The following RAPGEF6 variants were observed in gnomAD, a reference collection of about 807,000 sequenced individuals.
The protein encoded by RAPGEF6 is PDZ domain containing guanine nucleotide exchange factor (GEF) 2.
Under a neutral mutation model 171.4 loss-of-function variants are expected in RAPGEF6, and 56 were observed. That is an observed-to-expected ratio of 0.33 (90% CI 0.26 to 0.41). RAPGEF6 has a LOEUF of 0.41. Ranked by LOEUF, RAPGEF6 falls within the 10% of genes least tolerant of loss-of-function variation. The pLI is 1.00. For synonymous variants in RAPGEF6, 692 were observed against 650.1 expected, an observed-to-expected ratio of 1.06 and a Z score of -0.98; for missense variants, 1,674 against 1,921.4, an observed-to-expected ratio of 0.87 and a Z score of 2.41.
At chr5:131,495,345 T>C (rs1756571160) in intron 13 of RAPGEF6, among the ~76,000 whole-genome samples, 1 of 148,704 alleles carries the variant, frequency 6.7e-6, no homozygotes, top group South Asian at 2.1e-4. Context: ...AAATAAAAAA[T>C]AAATGGAAGA....
chr5:131,591,169 T>C (rs1239245240), intron 4 of RAPGEF6, among the ~76,000 whole-genome samples: 1 of 152,222 alleles, frequency 6.6e-6, no homozygotes, highest in African/African-American at 2.4e-5. Flanking sequence ...TTATGTTAAA[T>C]AGTTATGCCA....
At chr5:131,534,796 T>C (rs1270966336) in intron 6 of RAPGEF6, among the ~76,000 whole-genome samples, 1 of 152,116 alleles carries the variant, frequency 6.6e-6, no homozygotes, top group Non-Finnish European at 1.5e-5. Flanking sequence ...ATGAGTATTT[T>C]ACACATAAAT....
At chr5:131,542,564 G>T (rs888018474) in intron 6 of RAPGEF6, among the ~76,000 whole-genome samples, 3 of 152,254 alleles carry the variant, frequency 2.0e-5, no homozygotes, top group African/African-American at 7.2e-5. Flanking sequence ...ATTCTGATGA[G>T]AGAGATATTT....
intron 23 of RAPGEF6, 87 bp from the exon 24 acceptor site, chr5:131,439,802 T>C (rs1260680804): frequency 5.3e-6 from 8 of 1,521,252 alleles, no homozygotes; most frequent in Non-Finnish European, 7.1e-6. Flanking sequence ...ACTAACACTA[T>C]GATGCACAAT....
At chr5:131,437,963 T>C (rs1348683214) in intron 24 of RAPGEF6, among the ~76,000 whole-genome samples, 1 of 152,152 alleles carries the variant, frequency 6.6e-6, no homozygotes, top group Non-Finnish European at 1.5e-5. Flanking sequence ...GATGGAGTTT[T>C]GCTCTTGTCA....
chr5:131,450,834 C>T (rs1336782413), intron 21 of RAPGEF6, among the ~76,000 whole-genome samples: 1 of 152,124 alleles, frequency 6.6e-6, no homozygotes, highest in Non-Finnish European at 1.5e-5. Flanking sequence ...TCCCCCAATA[C>T]CTTATTGTAT....
At chr5:131,562,515 A>T (rs1271194581) in intron 4 of RAPGEF6, among the ~76,000 whole-genome samples, 1 of 152,250 alleles carries the variant, frequency 6.6e-6, no homozygotes, top group Non-Finnish European at 1.5e-5. Flanking sequence ...ACACTTGAGT[A>T]GTCTCTTGGT....
chr5:131,495,099 C>A (rs1172542700), intron 13 of RAPGEF6, among the ~76,000 whole-genome samples: 2 of 152,000 alleles, frequency 1.3e-5, no homozygotes, highest in African/African-American at 4.8e-5. Context: ...TTGAGACCAG[C>A]CTGGGCAATC....
intron 19 of RAPGEF6, among the ~76,000 whole-genome samples, chr5:131,458,423 G>C (rs560749512): frequency 6.6e-6 from 1 of 152,138 alleles, no homozygotes; most frequent in South Asian, 2.1e-4. Context: ...CAGACATGGG[G>C]AACTGTGAGT....
At chr5:131,513,681 C>T (rs963869782) in intron 7 of RAPGEF6, among the ~76,000 whole-genome samples, 4 of 152,168 alleles carry the variant, frequency 2.6e-5, no homozygotes, top group African/African-American at 9.7e-5. Flanking sequence ...TTAATACCAA[C>T]TGCAAAGGAA....
chr5:131,621,816 C>T (rs993074500), intron 1 of RAPGEF6, among the ~76,000 whole-genome samples: 2 of 152,028 alleles, frequency 1.3e-5, no homozygotes, highest in African/African-American at 4.8e-5. Flanking sequence ...CAACTGTATC[C>T]TAAACTCATC....
At chr5:131,627,788 A>G (rs748122205) in intron 1 of RAPGEF6, among the ~76,000 whole-genome samples, 2 of 151,884 alleles carry the variant, frequency 1.3e-5, no homozygotes, top group African/African-American at 2.4e-5. Flanking sequence ...CAACAGCACC[A>G]TTTTTTTCAA....
At chr5:131,538,930 TA>T (rs1759954131) in intron 6 of RAPGEF6, among the ~76,000 whole-genome samples, 1 of 152,138 alleles carries the variant, frequency 6.6e-6, no homozygotes, top group Non-Finnish European at 1.5e-5. Context: ...TCCTAGAAGA[TA>T]AAGGAGGAGT....
Position 131,461,949 on chromosome 5 carries a change from C to A in RAPGEF6, c.2620G>T (p.Asp874Tyr). 6.2e-7 allele frequency: 1 copy of A among 1,614,098 alleles called. No homozygotes were observed. Among genetic ancestry groups the A allele is most frequent in the African/African-American group, 1.3e-5 (1 of 75,016 alleles). The change falls in exon 19 of 28, where the codon GAT becomes TAT. Residue 874 changes from aspartate (D) to tyrosine (Y), a missense_variant. This residue lies in a region of RAPGEF6 where 1,116 missense variants were observed against 1,321.5 expected (regional missense o/e 0.84). Coordinates refer to ENST00000509018, the MANE Select transcript of RAPGEF6 (RefSeq NM_016340.6). ...VATQLSMRDF[D>Y]LFRNIEPTEY... ...GTCGGTTCAATATTACGAAACAAAT[C>A]AAAGTCCCTCATTGACAGCTGGGTG...
At chr5:131,471,509 T>C (rs937624472) in intron 17 of RAPGEF6, among the ~76,000 whole-genome samples, 13 of 152,198 alleles carry the variant, frequency 8.5e-5, no homozygotes, top group East Asian at 3.8e-4. Flanking sequence ...AGAGTCAAAA[T>C]TGAAGGTGAA....
rs767722974 is a variant in RAPGEF6 at position 131,589,935 on chromosome 5, T to C, written c.281+2448A>G. 5.9e-5 allele frequency among the ~76,000 whole-genome samples: 9 copies of C among 152,310 alleles called. 1 individual carries two copies. Among genetic ancestry groups the C allele is most frequent in the Admixed American group, 3.3e-4 (5 of 15,310 alleles). On this transcript the variant is annotated intron_variant, in intron 4 of 27. Transcript: ENST00000509018. ...ACCCAGTGAATGTCTCTGCTATTTA[T>C]TGGGCTGCAACTAACATTCTTCAAC...
At chr5:131,580,082 A>AG (rs1762853536) in intron 4 of RAPGEF6, among the ~76,000 whole-genome samples, 1 of 151,922 alleles carries the variant, frequency 6.6e-6, no homozygotes, top group African/African-American at 2.4e-5. Flanking sequence ...GCCGCAGAGC[A>AG]GGGGGTGGCA....
intron 15 of RAPGEF6, among the ~76,000 whole-genome samples, chr5:131,489,082 CTAAG>C (rs1431766859): frequency 6.6e-6 from 1 of 152,148 alleles, no homozygotes; most frequent in Non-Finnish European, 1.5e-5. Context: ...CTGTAATTCA[CTAAG>C]TACTTAAGTC....
At chr5:131,468,881 G>C (rs1036294713) in intron 17 of RAPGEF6, among the ~76,000 whole-genome samples, 4 of 152,194 alleles carry the variant, frequency 2.6e-5, no homozygotes, top group Non-Finnish European at 5.9e-5. Flanking sequence ...GAGCCAGATA[G>C]TAAACATTTT....
Sources: allele counts gnomAD v4.1 joint callset (sites outside exome capture counted in the v4.1 genomes callset), GRCh38; gene constraint gnomAD v4.1.1; regional missense constraint gnomAD v4.1.1; transcripts MANE v1.5; gene names NCBI Gene and HGNC (gene_info 2026-07-23, HGNC 2026-07-21).